Variants in PITPNC1 observed in about 807,000 individuals in gnomAD.
PITPNC1 encodes the protein phosphatidylinositol transfer protein cytoplasmic 1.
Under a neutral mutation model 44.7 loss-of-function variants are expected in PITPNC1, and 18 were observed. The ratio of observed to expected loss-of-function variants is 0.40; its 90% CI spans 0.28 to 0.60. The LOEUF (loss-of-function observed/expected upper bound fraction) is 0.60. Ranked by LOEUF, PITPNC1 falls within the 20% of genes least tolerant of loss-of-function variation. The pLI is 0.39. For missense variants in PITPNC1, 290 were observed against 418.4 expected, an observed-to-expected ratio of 0.69 and a Z score of 2.68; for synonymous variants, 141 against 149.6, an observed-to-expected ratio of 0.94 and a Z score of 0.42.
At chr17:67,568,618 C>T (rs548594902) in intron 4 of PITPNC1, among the ~76,000 whole-genome samples, 1 of 152,142 alleles carries the variant, frequency 6.6e-6, no homozygotes, top group Non-Finnish European at 1.5e-5. Flanking sequence ...CCTCAAACTC[C>T]TGGGCTCAAG....
intron 1 of PITPNC1, among the ~76,000 whole-genome samples, chr17:67,485,898 C>T (rs1010443901): frequency 1.3e-5 from 2 of 152,164 alleles, no homozygotes; most frequent in Non-Finnish European, 2.9e-5. Context: ...GATTAAGGGA[C>T]CGTGGGATTT....
intron 1 of PITPNC1, among the ~76,000 whole-genome samples, chr17:67,413,941 G>A (rs1031479434): frequency 4.6e-5 from 7 of 152,124 alleles, no homozygotes; most frequent in Admixed American, 2.0e-4. Context: ...AGGGACAAGC[G>A]TTCCAGGGAT....
At chr17:67,560,028 C>A (rs2040886414) in intron 4 of PITPNC1, among the ~76,000 whole-genome samples, 1 of 152,184 alleles carries the variant, frequency 6.6e-6, no homozygotes, top group African/African-American at 2.4e-5. Flanking sequence ...AACTACCATT[C>A]AAGATGGTAC....
chr17:67,502,073 A>G (rs1217783409), intron 1 of PITPNC1, among the ~76,000 whole-genome samples: 3 of 152,200 alleles, frequency 2.0e-5, no homozygotes, highest in African/African-American at 7.2e-5. Flanking sequence ...GGCGTTAACC[A>G]TTCACGTTGT....
chr17:67,606,552 G>A (rs958990136), intron 5 of PITPNC1, among the ~76,000 whole-genome samples: 1 of 152,212 alleles, frequency 6.6e-6, no homozygotes, highest in East Asian at 1.9e-4. Flanking sequence ...GGATGACGAG[G>A]CGTAAAGTGA....
At chr17:67,675,010 CAA>C (rs11372163) in intron 7 of PITPNC1, among the ~76,000 whole-genome samples, 6,787 of 114,056 alleles carry the variant, frequency 0.06, 175 homozygotes, top group Middle Eastern at 0.12. Flanking sequence ...GACTCTGTCT[CAA>C]AAAAAAAAAA....
chr17:67,399,664 T>C (rs1179004229), intron 1 of PITPNC1, among the ~76,000 whole-genome samples: 1 of 152,242 alleles, frequency 6.6e-6, no homozygotes, highest in Non-Finnish European at 1.5e-5. Context: ...TATTTAAGAA[T>C]GTATTCCAAT....
chr17:67,512,361 C>T (rs936945971), intron 1 of PITPNC1, among the ~76,000 whole-genome samples: 4 of 151,962 alleles, frequency 2.6e-5, no homozygotes, highest in Admixed American at 1.3e-4. Flanking sequence ...ATTAGTCAGG[C>T]GTGATGATGG....
At chr17:67,663,539 G>A (rs962271029) in intron 6 of PITPNC1, among the ~76,000 whole-genome samples, 5 of 151,320 alleles carry the variant, frequency 3.3e-5, no homozygotes, top group Non-Finnish European at 7.4e-5. Flanking sequence ...CTACACTCCA[G>A]CCTGGGCAAC....
intron 5 of PITPNC1, among the ~76,000 whole-genome samples, chr17:67,616,204 G>A (rs754945358): frequency 2.6e-5 from 4 of 152,050 alleles, no homozygotes; most frequent in African/African-American, 9.7e-5. Flanking sequence ...GCAATGGCAC[G>A]ATCTCAGCTC....
chr17:67,688,037 T>TA (rs67788348), intron 8 of PITPNC1, among the ~76,000 whole-genome samples: 94,877 of 137,490 alleles, frequency 0.69, 33,058 homozygotes, highest in East Asian at 0.83. Context: ...TAGTAGGTGT[T>TA]AAAAAAAAAA....
At chr17:67,614,159 C>T (rs1039757827) in intron 5 of PITPNC1, among the ~76,000 whole-genome samples, 1 of 151,788 alleles carries the variant, frequency 6.6e-6, no homozygotes, top group African/African-American at 2.4e-5. Context: ...CTTGGTGATA[C>T]TAACATCTGT....
At chr17:67,465,904 CG>C (rs2039419435) in intron 1 of PITPNC1, among the ~76,000 whole-genome samples, 1 of 151,700 alleles carries the variant, frequency 6.6e-6, no homozygotes, top group Non-Finnish European at 1.5e-5. Flanking sequence ...GATGGTAGGG[CG>C]GGGGTAAATC....
At position 67,585,421 on chromosome 17, in the gene PITPNC1, G is replaced by A. The variant is rs563695153; in HGVS notation, c.366+7164G>A. 5.9e-5 allele frequency among the ~76,000 whole-genome samples: 9 copies of A among 152,286 alleles called. No homozygotes were observed. In the South Asian group the frequency reaches 1.7e-3, roughly 28 times the overall value. ...TGTGCATGGAGACAGGACCTTTAAA[G>A]AGGGGATTAAGTTAAAATGAGGCCA... On this transcript the variant is annotated intron_variant, in intron 5 of 8. Transcript: ENST00000581322.
chr17:67,582,979 G>C (rs1280301998), intron 5 of PITPNC1, among the ~76,000 whole-genome samples: 1 of 152,204 alleles, frequency 6.6e-6, no homozygotes, highest in African/African-American at 2.4e-5. Context: ...AACAAAGCAG[G>C]CACCATTTAA....
chr17:67,442,994 G>A (rs964079645), intron 1 of PITPNC1, among the ~76,000 whole-genome samples: 6 of 151,886 alleles, frequency 4.0e-5, no homozygotes, highest in African/African-American at 7.3e-5. Context: ...AAGTCCCCGC[G>A]GGCTCTGACC....
At chr17:67,588,554 G>A (rs191894448) in intron 5 of PITPNC1, among the ~76,000 whole-genome samples, 3 of 152,090 alleles carry the variant, frequency 2.0e-5, no homozygotes, top group South Asian at 4.2e-4. Flanking sequence ...TATGCTACAC[G>A]CCTGTTAGTT....
intron 6 of PITPNC1, among the ~76,000 whole-genome samples, chr17:67,661,195 A>C (rs1236858666): frequency 6.6e-6 from 1 of 151,882 alleles, no homozygotes; most frequent in Non-Finnish European, 1.5e-5. Flanking sequence ...TATGCATATG[A>C]TTTCGGTGGT....
At chr17:67,654,372 G>A (rs1338107311) in intron 6 of PITPNC1, among the ~76,000 whole-genome samples, 1 of 152,182 alleles carries the variant, frequency 6.6e-6, no homozygotes, top group African/African-American at 2.4e-5. Flanking sequence ...GAGATGATCA[G>A]CATTTTTCTG....
Sources: gnomAD v4.1 joint callset for allele counts (sites outside exome capture counted in the v4.1 genomes callset) on GRCh38, gnomAD v4.1.1 for gene constraint, MANE v1.5 for transcripts, NCBI Gene and HGNC (gene_info 2026-07-23, HGNC 2026-07-21) for gene names.